The following RSU1 variants were observed in gnomAD, a reference collection of about 807,000 sequenced individuals.
The protein encoded by RSU1 is Ras suppressor protein 1.
RSU1 carries 26 observed loss-of-function variants against 31.1 expected under a neutral mutation model. The ratio of observed to expected loss-of-function variants is 0.84; its 90% CI spans 0.61 to 1.16. The LOEUF (loss-of-function observed/expected upper bound fraction) is 1.16, where lower values mean the gene tolerates loss of function less well. Among genes scored for constraint, RSU1 ranks in the 50% most tolerant of loss-of-function variants. The pLI, the probability that RSU1 is intolerant of heterozygous loss-of-function variation, is 0.00. For synonymous variants in RSU1, 164 were observed against 136.3 expected, an observed-to-expected ratio of 1.20 and a Z score of -1.41; for missense variants, 320 against 339.1, an observed-to-expected ratio of 0.94 and a Z score of 0.44.
In RSU1 at chr10:16,706,438, A is replaced by G. The variant is rs529619425; in HGVS notation, c.599-11283T>C. Among the ~76,000 whole-genome samples, 15 of 152,288 alleles carry G rather than the reference A, an allele frequency of 9.8e-5. No individual in the cohort carries two copies. In the South Asian group the frequency reaches 1.4e-3, roughly 15 times the overall value. On this transcript the variant is annotated intron_variant, in intron 7 of 8. Transcript: ENST00000345264. ...TATTCAAGTCCCTTGCCATTTTTCAACTGGGTTGTGTTTTTTATTGTTGCT... is the reference window on the plus strand; with the variant it reads ...TATTCAAGTCCCTTGCCATTTTTCAGCTGGGTTGTGTTTTTTATTGTTGCT...
At chr10:16,648,136 T>TA (rs1274056552) in intron 8 of RSU1, among the ~76,000 whole-genome samples, 39 of 135,420 alleles carry the variant, frequency 2.9e-4, no homozygotes, top group Admixed American at 2.0e-3. Context: ...AAAAAAATTT[T>TA]TTTTTTTTTT....
chr10:16,622,458 A>G (rs1834086405), intron 8 of RSU1, among the ~76,000 whole-genome samples: 1 of 152,192 alleles, frequency 6.6e-6, no homozygotes, highest in African/African-American at 2.4e-5. Context: ...TCTGGAAAAC[A>G]CTCTGAAAAA....
intron 7 of RSU1, among the ~76,000 whole-genome samples, chr10:16,708,511 G>C (rs1287838103): frequency 6.6e-6 from 1 of 152,056 alleles, no homozygotes; most frequent in African/African-American, 2.4e-5. Context: ...AACTTGGTTG[G>C]TGTGATACCT....
chr10:16,804,902 G>T (rs1348030875), intron 2 of RSU1, among the ~76,000 whole-genome samples: 24 of 152,126 alleles, frequency 1.6e-4, no homozygotes, highest in Non-Finnish European at 3.1e-4. Context: ...TACTGTAACG[G>T]TGAATACATT....
chr10:16,696,621 A>G (rs2131564365), intron 7 of RSU1, among the ~76,000 whole-genome samples: 1 of 152,350 alleles, frequency 6.6e-6, no homozygotes, highest in African/African-American at 2.4e-5. Flanking sequence ...AAGCAGATCC[A>G]TTTCTCTCCA....
chr10:16,807,725 G>T lies in RSU1; in HGVS notation c.109+9248C>A, dbSNP rs552519571. Among the ~76,000 whole-genome samples, 4 of 152,268 alleles carry T rather than the reference G, an allele frequency of 2.6e-5. No individual in the cohort carries two copies. In the South Asian group the frequency reaches 8.3e-4, roughly 32 times the overall value. Reference sequence around the variant, plus strand: ...CACTATTTTATTTGCTTAACACAGTGTTTTAAAGAATTCTGAGACGAGGTA... The same window carrying T: ...CACTATTTTATTTGCTTAACACAGTTTTTTAAAGAATTCTGAGACGAGGTA... On this transcript the variant is annotated intron_variant, in intron 2 of 8. Coordinates refer to ENST00000345264, the MANE Select transcript of RSU1 (RefSeq NM_012425.4).
At chr10:16,631,745 G>T (rs561369463) in intron 8 of RSU1, among the ~76,000 whole-genome samples, 2 of 152,280 alleles carry the variant, frequency 1.3e-5, no homozygotes, top group East Asian at 3.9e-4. Flanking sequence ...CACATGGTAG[G>T]CCCAGGACTC....
chr10:16,748,843 C>A (rs1051945773), intron 7 of RSU1, among the ~76,000 whole-genome samples: 3 of 145,430 alleles, frequency 2.1e-5, no homozygotes, highest in African/African-American at 8.3e-5. Context: ...CGTTCCCCAG[C>A]CGGGCTCTCC....
intron 8 of RSU1, among the ~76,000 whole-genome samples, chr10:16,619,705 TAG>T (rs1834036942): frequency 6.6e-6 from 1 of 152,222 alleles, no homozygotes; most frequent in Non-Finnish European, 1.5e-5. Context: ...ATTTCTTAGC[TAG>T]AGTTACAGAG....
chr10:16,764,971 T>C (rs1343268861), intron 3 of RSU1, among the ~76,000 whole-genome samples: 1 of 151,606 alleles, frequency 6.6e-6, no homozygotes. Context: ...GCACAGTTTG[T>C]TTCAGATGGC....
chr10:16,807,493 G>T (rs1161296935), intron 2 of RSU1, among the ~76,000 whole-genome samples: 2 of 151,464 alleles, frequency 1.3e-5, no homozygotes, highest in Non-Finnish European at 2.9e-5. Context: ...AAAAGAAAAT[G>T]AATTAACATA....
At position 16,667,368 on chromosome 10, in the gene RSU1, T is replaced by C. The variant is rs74841596; in HGVS notation, c.731+27655A>G. 1.7e-4 allele frequency among the ~76,000 whole-genome samples: 26 copies of C among 152,374 alleles called. No individual in the cohort carries two copies. In the East Asian group the frequency reaches 4.8e-3, roughly 28 times the overall value. On this transcript the variant is annotated intron_variant, in intron 8 of 8. Coordinates refer to ENST00000345264, the MANE Select transcript of RSU1 (RefSeq NM_012425.4). ...TAACCTCCTTTCAGTTACTGAGTAC[T>C]AGCGAGTGACATGAACTAGTGACTA...
At chr10:16,633,098 T>C (rs1045440358) in intron 8 of RSU1, among the ~76,000 whole-genome samples, 2 of 152,148 alleles carry the variant, frequency 1.3e-5, no homozygotes, top group Admixed American at 6.5e-5. Flanking sequence ...CTGTGAACTG[T>C]AGGGTCTTTA....
chr10:16,693,692 C>G (rs568088070), intron 8 of RSU1, among the ~76,000 whole-genome samples: 99 of 151,678 alleles, frequency 6.5e-4, no homozygotes, highest in Non-Finnish European at 1.2e-3. Flanking sequence ...GAGACCCCGT[C>G]TCTGCAAAAA....
At chr10:16,746,304 C>A (rs79047011) in intron 7 of RSU1, among the ~76,000 whole-genome samples, 1 of 152,136 alleles carries the variant, frequency 6.6e-6, no homozygotes, top group Non-Finnish European at 1.5e-5. Flanking sequence ...TGCAGACATA[C>A]GTCCCATAGG....
intron 8 of RSU1, among the ~76,000 whole-genome samples, chr10:16,618,823 G>A (rs771041416): frequency 5.3e-5 from 8 of 152,106 alleles, no homozygotes; most frequent in Non-Finnish European, 8.8e-5. Context: ...ACTGGGGCCC[G>A]TGGTGGGGTA....
rs1209090841 is a variant in RSU1 at position 16,807,892 on chromosome 10, G to A, written c.109+9081C>T. On this transcript the variant is annotated intron_variant, in intron 2 of 8. Coordinates refer to ENST00000345264, the MANE Select transcript of RSU1 (RefSeq NM_012425.4). ...CAAAAAATTAGCCGGGCTTGGTGGC[G>A]GGTGCCTGTAGTCCCAGCCACTGGG... Among the ~76,000 whole-genome samples the A allele has an allele frequency of 1.3e-4, 20 of 152,028 alleles. No individual in the cohort carries two copies. In the East Asian group the frequency reaches 1.9e-3, roughly 15 times the overall value.
intron 2 of RSU1, among the ~76,000 whole-genome samples, chr10:16,797,850 T>TTTCTTCTTC (rs202146157): frequency 3.3e-4 from 41 of 125,872 alleles, no homozygotes; most frequent in South Asian, 4.8e-4. Context: ...AAAGTGGGGA[T>TTTCTTCTTC]TTCTTCTTTT....
chr10:16,773,840 A>G (rs944458157), intron 3 of RSU1, among the ~76,000 whole-genome samples: 2 of 152,160 alleles, frequency 1.3e-5, no homozygotes, highest in Non-Finnish European at 2.9e-5. Context: ...AACTTTCTGA[A>G]GGATAAGCCA....
Sources: gnomAD v4.1 joint callset for allele counts (sites outside exome capture counted in the v4.1 genomes callset) on GRCh38, gnomAD v4.1.1 for gene constraint, MANE v1.5 for transcripts, NCBI Gene and HGNC (gene_info 2026-07-23, HGNC 2026-07-21) for gene names.